Variants in ADGRL2 observed in about 807,000 individuals in gnomAD.
The protein encoded by ADGRL2 is adhesion G protein-coupled receptor L2, also known as calcium-independent alpha-latrotoxin receptor 2.
A neutral mutation model predicts 157.4 loss-of-function variants in ADGRL2; 44 were observed. The observed-to-expected ratio is 0.28, with a 90% CI of 0.22 to 0.36. The LOEUF is 0.36. Among genes scored for constraint, ADGRL2 ranks in the 10% least tolerant of loss-of-function variants. The pLI is 1.00. For synonymous variants in ADGRL2, 585 were observed against 624.7 expected, an observed-to-expected ratio of 0.94 and a Z score of 0.95; for missense variants, 1,510 against 1,768.9, an observed-to-expected ratio of 0.85 and a Z score of 2.63.
rs569864851 is a variant in ADGRL2 at position 81,629,765 on chromosome 1, A to G, written c.-143+48785A>G. ...TGTTTGTGTGTGTATATATATGTATATATATAGTAGAGATTGGGTTTTGCT... is the reference window on the plus strand; with the variant it reads ...TGTTTGTGTGTGTATATATATGTATGTATATAGTAGAGATTGGGTTTTGCT... On this transcript the variant is annotated intron_variant, in intron 3 of 24. Coordinates refer to the ADGRL2 transcript ENST00000370721. 1.1e-4 allele frequency among the ~76,000 whole-genome samples: 17 copies of G among 151,838 alleles called. No homozygotes were observed. The South Asian group carries it at 3.5e-3, about 32-fold the overall frequency.
intron 3 of ADGRL2, chr1:81,596,279 T>C: frequency 1.8e-6 from 1 of 567,872 alleles, no homozygotes; most frequent in Non-Finnish European, 3.4e-6. Context: ...AATGATCCCA[T>C]GTCTTAGAAC....
At chr1:81,548,894 C>T (rs2148372059) in intron 2 of ADGRL2, among the ~76,000 whole-genome samples, 1 of 152,206 alleles carries the variant, frequency 6.6e-6, no homozygotes, top group South Asian at 2.1e-4. Flanking sequence ...AGTGACATTT[C>T]AAAAAACAGA....
chr1:81,425,193 CATT>C lies in ADGRL2; in HGVS notation c.-301-19831_-301-19829del, dbSNP rs959728975. ...TTTCATCCTTTTCATTTATTTTAAT[CATT>C]ATTATTATTATAGTCAGTATATGTT... On this transcript the variant is annotated intron_variant, in intron 1 of 24. Coordinates refer to the ADGRL2 transcript ENST00000370721. Among the ~76,000 whole-genome samples, 6 of 152,048 alleles carry C rather than the reference CATT, an allele frequency of 3.9e-5. 1 individual carries two copies. The highest frequency in any genetic ancestry group is 2.0e-4 in the Admixed American group (3 of 15,262).
intron 2 of ADGRL2, among the ~76,000 whole-genome samples, chr1:81,529,076 G>C (rs2079540995): frequency 6.6e-6 from 1 of 152,228 alleles, no homozygotes; most frequent in South Asian, 2.1e-4. Flanking sequence ...ACTAAGCTGA[G>C]GAGTGTGGAG....
At chr1:81,965,038 T>A (rs1009864481) in intron 11 of ADGRL2, among the ~76,000 whole-genome samples, 1 of 152,194 alleles carries the variant, frequency 6.6e-6, no homozygotes, top group Non-Finnish European at 1.5e-5. Context: ...TGTTAGTGGT[T>A]ACTATTAAGT....
chr1:81,876,186 A>G (rs1489874494), intron 2 of ADGRL2, among the ~76,000 whole-genome samples: 1 of 152,180 alleles, frequency 6.6e-6, no homozygotes, highest in East Asian at 1.9e-4. Context: ...TTAAGAATGT[A>G]GAGTTTTTGA....
chr1:81,355,193 A>G (rs1249238512), intron 1 of ADGRL2, among the ~76,000 whole-genome samples: 1 of 152,058 alleles, frequency 6.6e-6, no homozygotes. Context: ...TCTACTAAAA[A>G]AACACATTAA....
chr1:81,412,500 T>C (rs1016188949), intron 1 of ADGRL2, among the ~76,000 whole-genome samples: 3 of 152,224 alleles, frequency 2.0e-5, no homozygotes, highest in African/African-American at 7.2e-5. Context: ...TCTATCTTCA[T>C]AGTGTAGTGC....
At chr1:81,803,121 G>A (rs113889610) in intron 1 of ADGRL2, among the ~76,000 whole-genome samples, 2,733 of 152,224 alleles carry the variant, frequency 0.018, 46 homozygotes, top group Non-Finnish European at 0.026. Context: ...AGCCTCGGGA[G>A]CTTGGTTTGT....
chr1:81,886,792 T>C (rs1355473631), intron 2 of ADGRL2, among the ~76,000 whole-genome samples: 1 of 152,230 alleles, frequency 6.6e-6, no homozygotes. Context: ...TGTTTTCATA[T>C]ACTCTTTTAA....
intron 2 of ADGRL2, among the ~76,000 whole-genome samples, chr1:81,782,019 C>G (rs2086833570): frequency 2.6e-5 from 4 of 152,154 alleles, no homozygotes; most frequent in African/African-American, 7.2e-5. Context: ...GCTTCCAGCT[C>G]CCAGTGTTCC....
At chr1:81,793,781 T>A (rs1165203322) in intron 2 of ADGRL2, among the ~76,000 whole-genome samples, 2 of 152,148 alleles carry the variant, frequency 1.3e-5, no homozygotes, top group African/African-American at 4.8e-5. Flanking sequence ...ATATCAAGTT[T>A]AAAATCGTTT....
intron 1 of ADGRL2, among the ~76,000 whole-genome samples, chr1:81,803,861 C>T (rs974369559): frequency 2.0e-5 from 3 of 150,264 alleles, no homozygotes; most frequent in African/African-American, 5.0e-5. Context: ...TCATTCATTT[C>T]TCTGTCACTA....
intron 3 of ADGRL2, among the ~76,000 whole-genome samples, chr1:81,632,736 G>A (rs947653584): frequency 3.3e-5 from 5 of 149,840 alleles, no homozygotes; most frequent in African/African-American, 5.0e-5. Context: ...TCCAGCCTGG[G>A]CAACAGAGAC....
At chr1:81,423,045 C>G (rs2077153523) in intron 1 of ADGRL2, among the ~76,000 whole-genome samples, 1 of 152,152 alleles carries the variant, frequency 6.6e-6, no homozygotes, top group African/African-American at 2.4e-5. Flanking sequence ...CCATTGAGAC[C>G]AACTTGCAAA....
chr1:81,943,879 G>A lies in ADGRL2; in HGVS notation c.1210+110G>A, dbSNP rs989096651. The A allele has an allele frequency of 5.2e-6, 4 of 776,148 alleles. No homozygotes were observed. 48.1% of individuals were successfully genotyped at this position (776,148 alleles called of 1,614,324 possible). A position where few individuals can be genotyped will look rare whatever the true frequency, so the allele number is the denominator to read the frequency against. ...TTTCTTCCCCTTTTCATAGTTAAAG[G>A]ACAAAGGACAATGTTGTGGTACATT... On this transcript the variant is annotated intron_variant, in intron 6 of 23. Coordinates refer to ENST00000686636, the MANE Select transcript of ADGRL2 (RefSeq NM_001366006.2). This position sits in a 1 kb window ranked among gnomAD's most constrained non-coding sequence, Gnocchi z 5.6.
intron 2 of ADGRL2, among the ~76,000 whole-genome samples, chr1:81,558,360 A>G (rs143204927): frequency 1.8e-4 from 27 of 152,334 alleles, no homozygotes; most frequent in African/African-American, 6.5e-4. Flanking sequence ...TTTATTTGTG[A>G]TAATACTAAA....
chr1:81,471,996 A>G (rs1274058704), intron 2 of ADGRL2, among the ~76,000 whole-genome samples: 1 of 152,184 alleles, frequency 6.6e-6, no homozygotes, highest in African/African-American at 2.4e-5. Context: ...CTAACCCTCA[A>G]ATTACAGTAA....
At chr1:81,341,274 A>G (rs184402060) in intron 1 of ADGRL2, among the ~76,000 whole-genome samples, 64 of 152,232 alleles carry the variant, frequency 4.2e-4, no homozygotes, top group African/African-American at 1.4e-3. Flanking sequence ...TATTTTTTTG[A>G]AAGGCCATGG....
Sources: allele counts gnomAD v4.1 joint callset (sites outside exome capture counted in the v4.1 genomes callset), GRCh38; gene constraint gnomAD v4.1.1; non-coding constraint Gnocchi (gnomAD v3.1); transcripts MANE v1.5; gene names NCBI Gene and HGNC (gene_info 2026-07-23, HGNC 2026-07-21).